ADAMTS18: variants seen among roughly 807,000 people sequenced by gnomAD.
The protein encoded by ADAMTS18 is ADAM metallopeptidase with thrombospondin type 1 motif 18, also known as A disintegrin and metalloproteinase with thrombospondin motifs 18.
A neutral mutation model predicts 165.9 loss-of-function variants in ADAMTS18; 157 were observed. That is an observed-to-expected ratio of 0.95 (90% CI 0.83 to 1.08). The LOEUF (loss-of-function observed/expected upper bound fraction) is 1.08, where lower values mean the gene tolerates loss of function less well. ADAMTS18 is among the 50% of genes least tolerant of loss of function. The pLI, the probability that ADAMTS18 is intolerant of heterozygous loss-of-function variation, is 0.00. For synonymous variants in ADAMTS18, 782 were observed against 578.2 expected, an observed-to-expected ratio of 1.35 and a Z score of -5.06; for missense variants, 2,040 against 1,534.0, an observed-to-expected ratio of 1.33 and a Z score of -5.51.
chr16:77,320,022 T>C lies in ADAMTS18; in HGVS notation c.2359A>G (p.Ser787Gly), dbSNP rs993762554. Residue 787 changes from serine to glycine, a missense_variant, in exon 16 of 23, where the codon AGT becomes GGT. Transcript: ENST00000282849. Reference sequence around the variant, plus strand: ...CTGAGGCTTCGAACTGCGAGGTAACTGGAGGAAACCTGCAGCTCCTGGATT... The same window carrying C: ...CTGAGGCTTCGAACTGCGAGGTAACCGGAGGAAACCTGCAGCTCCTGGATT... ...IEIQELQVSSSYLAVRSLSQK... is the reference protein window; with the variant it reads ...IEIQELQVSSGYLAVRSLSQK... 1.9e-5 allele frequency: 31 copies of C among 1,614,024 alleles called. No individual in the cohort carries two copies. The highest frequency in any genetic ancestry group is 2.2e-5 in the Non-Finnish European group (26 of 1,180,024).
intron 3 of ADAMTS18, among the ~76,000 whole-genome samples, chr16:77,376,263 C>T (rs77440337): frequency 0.089 from 13,572 of 152,198 alleles, 790 homozygotes; most frequent in East Asian, 0.26. Context: ...ATGTGCTACA[C>T]ACTTTTAAAC....
intron 10 of ADAMTS18, among the ~76,000 whole-genome samples, chr16:77,347,556 T>C (rs9938049): frequency 0.28 from 42,426 of 151,794 alleles, 6,923 homozygotes; most frequent in East Asian, 0.62. Flanking sequence ...CTGAGAGCAA[T>C]TGATATTGAG....
chr16:77,399,436 GA>G (rs2057298879), intron 3 of ADAMTS18, among the ~76,000 whole-genome samples: 1 of 152,148 alleles, frequency 6.6e-6, no homozygotes, highest in South Asian at 2.1e-4. Flanking sequence ...TCTCTTAAAA[GA>G]AAGCCTCAGA....
In ADAMTS18 at chr16:77,425,228, G is replaced by A. The variant is rs529983456; in HGVS notation, c.495+6067C>T. 4.6e-5 allele frequency among the ~76,000 whole-genome samples: 7 copies of A among 152,302 alleles called. No homozygotes were observed. The South Asian group carries it at 6.2e-4, about 14-fold the overall frequency. On this transcript the variant is annotated intron_variant, in intron 3 of 22. Transcript: ENST00000282849. ...GGACATTAGTGCAGCCAGCCATGGGGGAGAAACGCCACTTACGGTTTAATT... is the reference window on the plus strand; with the variant it reads ...GGACATTAGTGCAGCCAGCCATGGGAGAGAAACGCCACTTACGGTTTAATT...
intron 7 of ADAMTS18, among the ~76,000 whole-genome samples, chr16:77,360,871 G>A (rs2056702582): frequency 6.6e-6 from 1 of 152,148 alleles, no homozygotes; most frequent in African/African-American, 2.4e-5. Flanking sequence ...TGGATCATTT[G>A]AGGTCAGGAG....
intron 3 of ADAMTS18, among the ~76,000 whole-genome samples, chr16:77,374,419 C>G (rs905427221): frequency 6.6e-6 from 1 of 152,068 alleles, no homozygotes; most frequent in African/African-American, 2.4e-5. Context: ...CCTTACAACT[C>G]CCTGGGAGGA....
At chr16:77,433,692 TC>T (rs538058666) in intron 2 of ADAMTS18, among the ~76,000 whole-genome samples, 290 of 152,302 alleles carry the variant, frequency 1.9e-3, no homozygotes, top group African/African-American at 6.0e-3. Context: ...TTCTAAAGAA[TC>T]CAGGTTGAGC....
At position 77,282,904 on chromosome 16, in the gene ADAMTS18, C is replaced by CTTTTTTTTTTTTT. The variant is rs1331401019; in HGVS notation, c.*1051_*1052insAAAAAAAAAAAAA. The CTTTTTTTTTTTTT allele has an allele frequency of 1.5e-4, 12 of 77,752 alleles. No homozygotes were observed. Among genetic ancestry groups the CTTTTTTTTTTTTT allele is most frequent in the Non-Finnish European group, 2.2e-4 (8 of 36,966 alleles). The allele number at this position is 77,752 out of a possible 1,614,324, so 4.8% of individuals were successfully genotyped here. Reference sequence around the variant, plus strand: ...TACCACTGTTTACTCCTTTCTTTCTCTCTTTTTTTTTTTTTTTTTTTTGCT... The same window carrying CTTTTTTTTTTTTT: ...TACCACTGTTTACTCCTTTCTTTCTCTTTTTTTTTTTTTTCTTTTTTTTTTTTTTTTTTTTGCT... On this transcript the variant is annotated 3_prime_UTR_variant, in exon 23 of 23. Coordinates refer to ENST00000282849, the MANE Select transcript of ADAMTS18 (RefSeq NM_199355.4).
chr16:77,292,385 C>A lies in ADAMTS18; in HGVS notation c.3189+691G>T, dbSNP rs139627362. Reference sequence around the variant, plus strand: ...TGATTTTTCCACCCCATCCCATGTCCCTTCTTTACTAAATGTGCAGTCCCC... The same window carrying A: ...TGATTTTTCCACCCCATCCCATGTCACTTCTTTACTAAATGTGCAGTCCCC... On this transcript the variant is annotated intron_variant, in intron 20 of 22. Coordinates refer to ENST00000282849, the MANE Select transcript of ADAMTS18 (RefSeq NM_199355.4). Among the ~76,000 whole-genome samples, 442 of 152,256 alleles carry A rather than the reference C, an allele frequency of 2.9e-3. 4 individuals carry two copies. Among genetic ancestry groups the A allele is most frequent in the African/African-American group, 0.01 (417 of 41,548 alleles).
chr16:77,375,890 C>T (rs1214075046), intron 3 of ADAMTS18, among the ~76,000 whole-genome samples: 25 of 93,900 alleles, frequency 2.7e-4, no homozygotes, highest in Non-Finnish European at 4.1e-4. Flanking sequence ...TCTTTCTTTC[C>T]TTTTTTTTTT....
intron 3 of ADAMTS18, among the ~76,000 whole-genome samples, chr16:77,370,669 G>A (rs537437120): frequency 1.3e-5 from 2 of 152,092 alleles, no homozygotes; most frequent in Admixed American, 6.6e-5. Flanking sequence ...AGAATCGCTT[G>A]AACTCAGGAG....
At chr16:77,429,736 G>A (rs540006169) in intron 3 of ADAMTS18, among the ~76,000 whole-genome samples, 1 of 152,276 alleles carries the variant, frequency 6.6e-6, no homozygotes, top group East Asian at 1.9e-4. Context: ...CTCACAGAGT[G>A]AAGTCCTGAG....
rs1202533436 is a variant in ADAMTS18, at chr16:77,359,354, C to T, written c.1286G>A (p.Gly429Asp). 4 of 1,614,116 alleles carry T rather than the reference C, an allele frequency of 2.5e-6. No individual in the cohort carries two copies. Among genetic ancestry groups the T allele is most frequent in the Non-Finnish European group, 3.4e-6 (4 of 1,180,014 alleles). The change falls in exon 8 of 23, where the codon GGC becomes GAC. Residue 429 changes from glycine to aspartate, a missense_variant. Gly to Asp is a moderately conservative substitution (Grantham distance 94, BLOSUM62 -1). Coordinates refer to ENST00000282849, the MANE Select transcript of ADAMTS18 (RefSeq NM_199355.4). Reference sequence around the variant, plus strand: ...CTCATGAGCGATGGTGAAGGCAAGGCCAAGTCCTGTGTCCTCATTGATGGT... The same window carrying T: ...CTCATGAGCGATGGTGAAGGCAAGGTCAAGTCCTGTGTCCTCATTGATGGT... ...SCTINEDTGLGLAFTIAHESG... is the reference protein window; with the variant it reads ...SCTINEDTGLDLAFTIAHESG...
chr16:77,297,489 G>T, intron 17 of ADAMTS18, 74 bp from the exon 18 acceptor site: 2 of 1,423,050 alleles, frequency 1.4e-6, no homozygotes, highest in South Asian at 1.2e-5. Context: ...TTTAGCTTCT[G>T]ATTTACCAGC....
Position 77,344,131 on chromosome 16 carries a change from A to G in ADAMTS18, c.1615-2332T>C, listed in dbSNP as rs116001899. On this transcript the variant is annotated intron_variant, in intron 10 of 22. Transcript: ENST00000282849. ...TGTATATATATATATGTATGTATAC[A>G]TACATATATATGTATGTGTGTGTGT... Among the ~76,000 whole-genome samples the G allele has an allele frequency of 3.6e-3, 525 of 143,914 alleles. 5 individuals are homozygous for G. The highest frequency in any genetic ancestry group is 0.013 in the African/African-American group (510 of 39,048). The allele number at this position is 143,914 out of a possible 152,430, so 94.4% of individuals were successfully genotyped here.
In ADAMTS18 at chr16:77,294,932, G is replaced by A. The variant is rs267604644; in HGVS notation, c.2997C>T (p.Pro999=). 1.9e-6 allele frequency: 3 copies of A among 1,614,138 alleles called. No homozygotes were observed. Among genetic ancestry groups the A allele is most frequent in the Non-Finnish European group, 2.5e-6 (3 of 1,180,012 alleles). The change falls in exon 19 of 23, where the codon CCC becomes CCT. Residue 999 remains proline, a synonymous_variant. Coordinates refer to ENST00000282849, the MANE Select transcript of ADAMTS18 (RefSeq NM_199355.4). ...AGTTTTCTCCTGTTACCTGAGACCA[G>A]GGTCCAAGGCTCCATTGTGGAGGGC... ...HACPPQWSLG[P]WSQCSKTCGR...
chr16:77,372,412 T>C (rs759632882), intron 3 of ADAMTS18, among the ~76,000 whole-genome samples: 13 of 152,220 alleles, frequency 8.5e-5, no homozygotes, highest in Non-Finnish European at 1.5e-4. Flanking sequence ...ATATACACAA[T>C]GGAATACTAT....
chr16:77,353,103 A>G (rs2056579294), intron 10 of ADAMTS18, among the ~76,000 whole-genome samples: 1 of 152,128 alleles, frequency 6.6e-6, no homozygotes, highest in Non-Finnish European at 1.5e-5. Context: ...CGACAACAAC[A>G]ACAACAAATT....
chr16:77,325,027 G>A (rs1231847895), intron 13 of ADAMTS18, among the ~76,000 whole-genome samples: 1 of 152,194 alleles, frequency 6.6e-6, no homozygotes, highest in Non-Finnish European at 1.5e-5. Flanking sequence ...TTATAGTGAT[G>A]CCTGTAATTA....
Sources: gnomAD v4.1 joint callset for allele counts (sites outside exome capture counted in the v4.1 genomes callset) on GRCh38, gnomAD v4.1.1 for gene constraint, MANE v1.5 for transcripts, NCBI Gene and HGNC (gene_info 2026-07-23, HGNC 2026-07-21) for gene names.